The following HDGF variants were observed in gnomAD, a reference collection of about 807,000 sequenced individuals.
HDGF encodes the protein hepatoma-derived growth factor.
In HDGF, 5 loss-of-function variants were observed where a neutral mutation model predicts 30.0. The observed-to-expected ratio is 0.17, with a 90% CI of 0.09 to 0.35. The LOEUF (loss-of-function observed/expected upper bound fraction) is 0.35. Ranked by LOEUF, HDGF falls within the 10% of genes least tolerant of loss-of-function variation. The pLI is 1.00. For synonymous variants in HDGF, 133 were observed against 112.7 expected (o/e 1.18, Z -1.14); for missense variants, 214 against 302.8 (o/e 0.71, Z 2.18).
At chr1:156,766,412 CACAT>C (rs1334896543) in intron 1 of HDGF, among the ~76,000 whole-genome samples, 1 of 152,178 alleles carries the variant, frequency 6.6e-6, no homozygotes, top group Non-Finnish European at 1.5e-5. Context: ...AAAGGACACA[CACAT>C]ACAGGGCAGA....
intron 1 of HDGF, among the ~76,000 whole-genome samples, chr1:156,759,873 T>C (rs1469557874): frequency 6.6e-6 from 1 of 152,274 alleles, no homozygotes; most frequent in African/African-American, 2.4e-5. Flanking sequence ...TTACAAATTA[T>C]TTAATCAGTC....
chr1:156,749,042 C>T (rs891935834), intron 1 of HDGF, among the ~76,000 whole-genome samples: 1 of 152,168 alleles, frequency 6.6e-6, no homozygotes, highest in African/African-American at 2.4e-5. Flanking sequence ...TGGAGATCCC[C>T]CAGGAAGTTA....
chr1:156,749,842 A>G (rs1394105327), intron 1 of HDGF, among the ~76,000 whole-genome samples: 6 of 152,164 alleles, frequency 3.9e-5, no homozygotes, highest in African/African-American at 1.2e-4. Context: ...TCCCACCCTC[A>G]GGAGGTAGGA....
At chr1:156,759,945 T>C (rs1439529578) in intron 1 of HDGF, among the ~76,000 whole-genome samples, 1 of 152,250 alleles carries the variant, frequency 6.6e-6, no homozygotes, top group Non-Finnish European at 1.5e-5. Flanking sequence ...TAGTAAATAA[T>C]ACTGGACACA....
chr1:156,745,907 C>T (rs997795540), intron 1 of HDGF, among the ~76,000 whole-genome samples: 6 of 152,212 alleles, frequency 3.9e-5, no homozygotes, highest in Non-Finnish European at 8.8e-5. Context: ...AAAAGGGAGA[C>T]AGTCATAGTA....
intron 4 of HDGF, 108 bp downstream of exon 4, chr1:156,744,055 C>A: frequency 8.2e-7 from 1 of 1,214,172 alleles, no homozygotes; most frequent in Non-Finnish European, 1.2e-6. Flanking sequence ...AGACTAGGGG[C>A]TGGATCGACC....
At chr1:156,747,728 G>A (rs1474168270) in intron 1 of HDGF, among the ~76,000 whole-genome samples, 2 of 152,150 alleles carry the variant, frequency 1.3e-5, no homozygotes, top group Non-Finnish European at 2.9e-5. Context: ...GCATTAAGAT[G>A]CCCACAGTAA....
At position 156,762,145 on chromosome 1, in the gene HDGF, G is replaced by A. The variant is rs373771588; in HGVS notation, n.137-2926C>T. Among the ~76,000 whole-genome samples, 3 of 149,860 alleles carry A rather than the reference G, an allele frequency of 2.0e-5. No individual in the cohort carries two copies. The South Asian group carries it at 6.3e-4, about 32-fold the overall frequency. ...TGACAGAGTGAGATCTTGAATTAAG[G>A]GAAAAAAAAATTATATCAAGACACT... On this transcript the variant is annotated intron_variant and non_coding_transcript_variant, in intron 1 of 7. Transcript: ENST00000465180.
intron 1 of HDGF, among the ~76,000 whole-genome samples, chr1:156,750,210 T>C (rs1050510740): frequency 1.3e-5 from 2 of 152,126 alleles, no homozygotes; most frequent in South Asian, 2.1e-4. Context: ...CCCAAAGATA[T>C]GCAGTCCTTC....
upstream of HDGF, among the ~76,000 whole-genome samples, chr1:156,753,084 T>C (rs1437281553): frequency 6.6e-6 from 1 of 152,224 alleles, no homozygotes; most frequent in East Asian, 1.9e-4. Context: ...AACAGAGGCA[T>C]AGAATGGCTG....
intron 2 of HDGF, among the ~76,000 whole-genome samples, chr1:156,758,534 A>G (rs138297483): frequency 0.029 from 4,315 of 150,808 alleles, 204 homozygotes; most frequent in African/African-American, 0.1. Flanking sequence ...CGGAGCTTGC[A>G]GTGAGCTGAG....
At chr1:156,754,949 A>T (rs1651131123), upstream of HDGF, among the ~76,000 whole-genome samples, 1 of 152,178 alleles carries the variant, frequency 6.6e-6, no homozygotes, top group Non-Finnish European at 1.5e-5. Flanking sequence ...CCTCCGTCTC[A>T]AAAACAAAAC....
At chr1:156,744,942 G>A (rs772601410) in intron 3 of HDGF, 66 bp downstream of exon 3, 28 of 1,564,546 alleles carry the variant, frequency 1.8e-5, no homozygotes, top group Admixed American at 6.7e-5. Flanking sequence ...TCTGTGGGCC[G>A]GGGGCTGCCA....
At chr1:156,764,208 G>A (rs1558040947) in intron 1 of HDGF, among the ~76,000 whole-genome samples, 2 of 151,322 alleles carry the variant, frequency 1.3e-5, no homozygotes, top group African/African-American at 2.4e-5. Context: ...GTGAGCCACC[G>A]TACATAGTTA....
chr1:156,748,821 A>C (rs1252706185), intron 1 of HDGF, among the ~76,000 whole-genome samples: 1 of 152,176 alleles, frequency 6.6e-6, no homozygotes, highest in Non-Finnish European at 1.5e-5. Flanking sequence ...GGAACCGGAA[A>C]ATCTGGGGCA....
At chr1:156,755,150 T>C (rs1305558390), upstream of HDGF, among the ~76,000 whole-genome samples, 3 of 152,150 alleles carry the variant, frequency 2.0e-5, no homozygotes, top group East Asian at 5.8e-4. Context: ...ATGATTCTGT[T>C]GATGCTGGTG....
intron 2 of HDGF, among the ~76,000 whole-genome samples, chr1:156,758,358 G>A (rs1221337728): frequency 2.0e-5 from 3 of 151,902 alleles, no homozygotes; most frequent in Non-Finnish European, 4.4e-5. Flanking sequence ...CTGGGAGGCT[G>A]AGGCAGGTGG....
intron 1 of HDGF, chr1:156,747,532 A>T (rs1650668610): frequency 6.6e-6 from 1 of 151,596 alleles, no homozygotes; most frequent in Non-Finnish European, 1.5e-5. Flanking sequence ...AGCAAAAAAC[A>T]AAACGAGCGC....
At chr1:156,758,587 C>T (rs1361696188) in intron 2 of HDGF, among the ~76,000 whole-genome samples, 5 of 15,030 alleles carry the variant, frequency 3.3e-4, no homozygotes, top group East Asian at 2.6e-3. Context: ...AGCGAGACTC[C>T]GTCTCAAAAA....
Sources: gnomAD v4.1 joint callset for allele counts (sites outside exome capture counted in the v4.1 genomes callset) on GRCh38, gnomAD v4.1.1 for gene constraint, MANE v1.5 for transcripts, NCBI Gene and HGNC (gene_info 2026-07-23, HGNC 2026-07-21) for gene names.